Variants in PDE7A observed in about 807,000 individuals in gnomAD.
PDE7A encodes the protein high affinity 3',5'-cyclic-AMP phosphodiesterase 7A.
Under a neutral mutation model 64.3 loss-of-function variants are expected in PDE7A, and 39 were observed. That is an observed-to-expected ratio of 0.61 (90% CI 0.47 to 0.79). The LOEUF is 0.79. Ranked by LOEUF, PDE7A falls within the 30% of genes least tolerant of loss-of-function variation. PDE7A has a pLI of 0.00. For missense variants in PDE7A, 470 were observed against 582.8 expected (o/e 0.81, Z 1.99); for synonymous variants, 203 against 206.8 (o/e 0.98, Z 0.16).
intron 1 of PDE7A, among the ~76,000 whole-genome samples, chr8:65,835,026 G>C (rs996458460): frequency 6.6e-6 from 1 of 151,592 alleles, no homozygotes; most frequent in African/African-American, 2.4e-5. Context: ...CTTTTGAAAA[G>C]CATGTTTGGC....
intron 1 of PDE7A, among the ~76,000 whole-genome samples, chr8:65,801,548 G>A (rs1809987052): frequency 6.6e-6 from 1 of 151,604 alleles, no homozygotes; most frequent in African/African-American, 2.4e-5. Flanking sequence ...GCACCCCCCA[G>A]TAACTCTTAC....
chr8:65,772,626 T>C (rs1048339639), intron 3 of PDE7A, among the ~76,000 whole-genome samples: 4 of 152,190 alleles, frequency 2.6e-5, no homozygotes, highest in Non-Finnish European at 5.9e-5. Context: ...AACCTTAAGA[T>C]TCATAACTGG....
At chr8:65,789,038 A>G in intron 1 of PDE7A, 1 of 1,533,026 alleles carries the variant, frequency 6.5e-7, no homozygotes, top group Non-Finnish European at 8.8e-7. Flanking sequence ...TCCCGAGGCA[A>G]AAGAGAGGGG....
rs138287992 is a variant in PDE7A at position 65,719,289 on chromosome 8, G to A, written c.*1C>T. ...GCAGTTTGTCCCACTGGTTCTGGGG[G>A]TTATGATAACCGATTTTCCTGAGGT... On this transcript the variant is annotated 3_prime_UTR_variant, in exon 13 of 13. Transcript: ENST00000401827. The A allele has an allele frequency of 3.2e-4, 510 of 1,609,470 alleles. No homozygotes were observed. The highest frequency in any genetic ancestry group is 4.2e-4 in the Non-Finnish European group (499 of 1,175,812).
chr8:65,718,902 A>C lies in PDE7A; in HGVS notation c.*388T>G, dbSNP rs1490930031. ...CAGAGAGAACTTAGTGGAAGGTACAAGATACACATTGTTGCATCAGACTGG... is the reference window on the plus strand; with the variant it reads ...CAGAGAGAACTTAGTGGAAGGTACACGATACACATTGTTGCATCAGACTGG... On this transcript the variant is annotated 3_prime_UTR_variant, in exon 13 of 13. Coordinates refer to ENST00000401827, the MANE Select transcript of PDE7A (RefSeq NM_001242318.3). 8.3e-6 allele frequency: 2 copies of C among 242,306 alleles called. No individual in the cohort carries two copies. The highest frequency in any genetic ancestry group is 4.4e-5 in the African/African-American group (2 of 45,074). 15.0% of individuals were successfully genotyped at this position (242,306 alleles called of 1,614,324 possible). A position where few individuals can be genotyped will look rare whatever the true frequency, so the allele number is the denominator to read the frequency against.
At chr8:65,747,902 A>G in intron 3 of PDE7A, 99 bp from the exon 4 acceptor site, 1 of 578,606 alleles carries the variant, frequency 1.7e-6, no homozygotes, top group East Asian at 3.2e-5. Context: ...ATTTTTAAAA[A>G]TTCATTTAAA....
chr8:65,767,001 AAACAAC>A (rs149118435), intron 3 of PDE7A, among the ~76,000 whole-genome samples: 65,251 of 150,856 alleles, frequency 0.43, 16,261 homozygotes, highest in African/African-American at 0.7. Flanking sequence ...TGCTCATTCA[AAACAAC>A]AACAACAACA....
chr8:65,809,421 CTCTTTT>C (rs1358185975), intron 1 of PDE7A, among the ~76,000 whole-genome samples: 1 of 152,118 alleles, frequency 6.6e-6, no homozygotes, highest in East Asian at 1.9e-4. Flanking sequence ...TACTGCATTA[CTCTTTT>C]TAAGTTACCT....
chr8:65,820,433 A>C (rs1228309969), intron 1 of PDE7A, among the ~76,000 whole-genome samples: 3 of 152,186 alleles, frequency 2.0e-5, no homozygotes, highest in African/African-American at 7.2e-5. Context: ...CAAAGCTATA[A>C]AATTAAATGT....
intron 6 of PDE7A, among the ~76,000 whole-genome samples, chr8:65,736,861 T>C (rs1307486785): frequency 6.8e-6 from 1 of 147,658 alleles, no homozygotes; most frequent in East Asian, 2.1e-4. Flanking sequence ...TAGCTCTTCA[T>C]TTGGCTGTAC....
At chr8:65,744,208 TACAAAACAAA>T (rs140231902) in intron 5 of PDE7A, among the ~76,000 whole-genome samples, 7,001 of 151,564 alleles carry the variant, frequency 0.046, 539 homozygotes, top group African/African-American at 0.16. Context: ...TTAGTTGTGT[TACAAAACAAA>T]ACAAAACAAA....
chr8:65,721,158 C>T (rs140550332), intron 12 of PDE7A, among the ~76,000 whole-genome samples: 1 of 152,356 alleles, frequency 6.6e-6, no homozygotes, highest in African/African-American at 2.4e-5. Flanking sequence ...TCGAACACAG[C>T]TGTTCAACCA....
chr8:65,793,568 G>A (rs1171042222), intron 1 of PDE7A, among the ~76,000 whole-genome samples: 3 of 151,280 alleles, frequency 2.0e-5, no homozygotes, highest in African/African-American at 7.3e-5. Context: ...ATGAGATCAG[G>A]TACGTTTCCA....
intron 3 of PDE7A, among the ~76,000 whole-genome samples, chr8:65,752,402 A>G (rs1808010509): frequency 6.6e-6 from 1 of 152,198 alleles, no homozygotes; most frequent in Non-Finnish European, 1.5e-5. Flanking sequence ...ATATTATTGA[A>G]TGTTCAAATT....
At chr8:65,834,445 T>C (rs187457759) in intron 1 of PDE7A, among the ~76,000 whole-genome samples, 18 of 152,306 alleles carry the variant, frequency 1.2e-4, no homozygotes, top group Non-Finnish European at 2.4e-4. Context: ...AAGTTATATG[T>C]GGATTTTTGA....
chr8:65,826,568 G>C (rs1159188759), intron 1 of PDE7A, among the ~76,000 whole-genome samples: 1 of 152,130 alleles, frequency 6.6e-6, no homozygotes, highest in Non-Finnish European at 1.5e-5. Flanking sequence ...TTTCTACTGA[G>C]TCAAACCCCA....
chr8:65,736,513 GAGGCT>G (rs1807132328), intron 6 of PDE7A, among the ~76,000 whole-genome samples: 1 of 152,140 alleles, frequency 6.6e-6, no homozygotes, highest in Admixed American at 6.5e-5. Context: ...AGCACTTTGG[GAGGCT>G]GAGGCTGGAG....
At chr8:65,767,546 A>G (rs1252708445) in intron 3 of PDE7A, among the ~76,000 whole-genome samples, 1 of 152,144 alleles carries the variant, frequency 6.6e-6, no homozygotes, top group Non-Finnish European at 1.5e-5. Flanking sequence ...ACCTGTTTCA[A>G]TCTTCCCTGG....
intron 12 of PDE7A, among the ~76,000 whole-genome samples, chr8:65,721,200 C>T (rs540036261): frequency 2.0e-5 from 3 of 152,330 alleles, no homozygotes; most frequent in African/African-American, 4.8e-5. Flanking sequence ...ACTAGCCCCA[C>T]AAGCCTCTAC....
Sources: allele counts gnomAD v4.1 joint callset (sites outside exome capture counted in the v4.1 genomes callset), GRCh38; gene constraint gnomAD v4.1.1; transcripts MANE v1.5; gene names NCBI Gene and HGNC (gene_info 2026-07-23, HGNC 2026-07-21).